ABLIM1: variants seen among roughly 807,000 people sequenced by gnomAD.
ABLIM1 encodes the protein actin-binding LIM protein 1.
Under a neutral mutation model 107.0 loss-of-function variants are expected in ABLIM1, and 40 were observed. That is an observed-to-expected ratio of 0.37 (90% CI 0.29 to 0.49). ABLIM1 has a LOEUF of 0.49. Ranked by LOEUF, ABLIM1 falls within the 20% of genes least tolerant of loss-of-function variation. The pLI, the probability that ABLIM1 is intolerant of heterozygous loss-of-function variation, is 0.97. For synonymous variants in ABLIM1, 357 were observed against 357.3 expected (o/e 1.00, Z 0.01); for missense variants, 857 against 1,008.5 (o/e 0.85, Z 2.04).
At chr10:114,539,953 T>A (rs1034435814) in intron 6 of ABLIM1, among the ~76,000 whole-genome samples, 1 of 151,980 alleles carries the variant, frequency 6.6e-6, no homozygotes, top group African/African-American at 2.4e-5. Context: ...CAAACTGGAG[T>A]ATCTCACACT....
At chr10:114,615,866 C>G (rs1216614677) in intron 1 of ABLIM1, among the ~76,000 whole-genome samples, 4 of 151,652 alleles carry the variant, frequency 2.6e-5, no homozygotes, top group Non-Finnish European at 5.9e-5. Flanking sequence ...AGTCTCAAAC[C>G]AACCCTGGCT....
At position 114,725,735 on chromosome 10, in the gene ABLIM1, ATGTGTGTG is replaced by A. The variant is rs3981295; in HGVS notation, c.-213+42318_-213+42325del. ...TATATTTACATATGATATATATAAA[ATGTGTGTG>A]TGTGTGTGTGTGTGTGTGTGTGTGT... On this transcript the variant is annotated intron_variant, in intron 1 of 15. Transcript: ENST00000651092. Among the ~76,000 whole-genome samples the A allele has an allele frequency of 7.1e-3, 1,014 of 142,284 alleles. 12 individuals are homozygous for A. The highest frequency in any genetic ancestry group is 0.051 in the East Asian group (253 of 4,916). 93.3% of individuals were successfully genotyped at this position (142,284 alleles called of 152,430 possible).
intron 1 of ABLIM1, among the ~76,000 whole-genome samples, chr10:114,736,705 G>C (rs529796855): frequency 4.1e-4 from 62 of 152,214 alleles, no homozygotes; most frequent in Admixed American, 1.1e-3. Context: ...TTTAAAACCC[G>C]ATGTAATGCA....
At chr10:114,457,470 A>T (rs150458983) in intron 12 of ABLIM1, among the ~76,000 whole-genome samples, 23 of 152,144 alleles carry the variant, frequency 1.5e-4, no homozygotes, top group Middle Eastern at 3.4e-3. Context: ...GGGTTTCATC[A>T]TGTTGGCCAG....
intron 4 of ABLIM1, among the ~76,000 whole-genome samples, chr10:114,565,098 A>G (rs2070470914): frequency 6.6e-6 from 1 of 152,220 alleles, no homozygotes; most frequent in African/African-American, 2.4e-5. Context: ...CCAGCCAACA[A>G]CTTGTCCAGA....
chr10:114,777,570 G>A, the ABLIM1 span, among the ~76,000 whole-genome samples: 29 of 152,162 alleles, frequency 1.9e-4, no homozygotes, highest in African/African-American at 7.0e-4. Context: ...TCCTCCTAGT[G>A]GGACTTTGTC....
chr10:114,518,663 G>C (rs998714148), intron 6 of ABLIM1, among the ~76,000 whole-genome samples: 3 of 151,650 alleles, frequency 2.0e-5, no homozygotes. Context: ...ATAGTCTCTA[G>C]GTCTGCTTTA....
chr10:114,644,722 AGAATCT>A (rs1240073592), intron 1 of ABLIM1, among the ~76,000 whole-genome samples: 74 of 152,322 alleles, frequency 4.9e-4, no homozygotes, highest in African/African-American at 1.7e-3. Context: ...TTTACTCCTA[AGAATCT>A]GAAGTTAGAG....
At position 114,435,652 on chromosome 10, in the gene ABLIM1, G is replaced by A. The variant is rs2059301057; in HGVS notation, c.*608C>T. 6.6e-6 allele frequency: 1 copy of A among 152,196 alleles called. No individual in the cohort carries two copies. Among genetic ancestry groups the A allele is most frequent in the African/African-American group, 2.4e-5 (1 of 41,432 alleles). 9.4% of individuals were successfully genotyped at this position (152,196 alleles called of 1,614,324 possible). ...GGTCCCGGTGAACAGTAGAGAACAA[G>A]GAGCTTGCTAAGAATTAATTTTGCT... On this transcript the variant is annotated 3_prime_UTR_variant, in exon 23 of 23. Transcript: ENST00000533213.
At chr10:114,643,830 C>T (rs999157210) in intron 1 of ABLIM1, among the ~76,000 whole-genome samples, 1 of 152,086 alleles carries the variant, frequency 6.6e-6, no homozygotes, top group African/African-American at 2.4e-5. Flanking sequence ...CCTGCTTCAG[C>T]CTCCCAAAGT....
chr10:114,448,585 T>C (rs765032265), intron 14 of ABLIM1, among the ~76,000 whole-genome samples: 2 of 150,952 alleles, frequency 1.3e-5, no homozygotes, highest in Non-Finnish European at 2.9e-5. Flanking sequence ...GCCACAAATA[T>C]GTTGGTCCAG....
upstream of ABLIM1, among the ~76,000 whole-genome samples, chr10:114,663,069 T>G (rs905794101): frequency 6.6e-6 from 1 of 152,224 alleles, no homozygotes; most frequent in African/African-American, 2.4e-5. Flanking sequence ...CTGCAGTCTT[T>G]GTCAGCGGCC....
intron 6 of ABLIM1, among the ~76,000 whole-genome samples, chr10:114,515,935 C>A (rs1159055114): frequency 6.6e-6 from 1 of 152,160 alleles, no homozygotes; most frequent in African/African-American, 2.4e-5. Context: ...CTTGATTTCA[C>A]CAGCCTCCAG....
intron 6 of ABLIM1, among the ~76,000 whole-genome samples, chr10:114,511,003 T>C (rs2061781044): frequency 6.6e-6 from 1 of 152,002 alleles, no homozygotes; most frequent in Non-Finnish European, 1.5e-5. Context: ...TCTGTGCTCC[T>C]ACAGCATTTA....
chr10:114,460,127 C>T (rs561006824), intron 12 of ABLIM1, among the ~76,000 whole-genome samples: 12 of 152,218 alleles, frequency 7.9e-5, no homozygotes, highest in African/African-American at 2.6e-4. Context: ...TATACTGAAA[C>T]GCATGGCCCT....
chr10:114,725,759 G>A (rs965658903), intron 1 of ABLIM1, among the ~76,000 whole-genome samples: 2 of 151,414 alleles, frequency 1.3e-5, no homozygotes, highest in African/African-American at 4.9e-5. Context: ...GTGTGTGTGT[G>A]TGTGTGTGTG....
rs139605133 is a variant in ABLIM1, at chr10:114,732,989, G to A, written c.-213+35072C>T. ...ATCTATATTATTATGTCCATCTAGC[G>A]TAAATATAATAATTAAGAATGTGCT... On this transcript the variant is annotated intron_variant, in intron 1 of 15. Coordinates refer to the ABLIM1 transcript ENST00000651092. Among the ~76,000 whole-genome samples the A allele has an allele frequency of 2.0e-4, 31 of 152,178 alleles. No homozygotes were observed. In the East Asian group the frequency reaches 2.5e-3, roughly 12 times the overall value.
intron 11 of ABLIM1, among the ~76,000 whole-genome samples, chr10:114,466,974 C>G (rs934518750): frequency 6.6e-6 from 1 of 152,208 alleles, no homozygotes; most frequent in East Asian, 1.9e-4. Context: ...GCCTGCCCAA[C>G]ATGGTGAAAC....
At chr10:114,703,081 T>A (rs1458190342) in intron 1 of ABLIM1, among the ~76,000 whole-genome samples, 2 of 152,132 alleles carry the variant, frequency 1.3e-5, no homozygotes, top group Non-Finnish European at 2.9e-5. Flanking sequence ...ACACTACATA[T>A]AATTTTTGCT....
Sources: allele counts gnomAD v4.1 joint callset (sites outside exome capture counted in the v4.1 genomes callset), GRCh38; gene constraint gnomAD v4.1.1; transcripts MANE v1.5; gene names NCBI Gene and HGNC (gene_info 2026-07-23, HGNC 2026-07-21).